Variants in ENTREP2 observed in about 807,000 individuals in gnomAD.
ENTREP2 encodes protein ENTREP2.
At chr15:29,200,324 C>T in the ENTREP2 span, among the ~76,000 whole-genome samples, 32 of 152,202 alleles carry the variant, frequency 2.1e-4, no homozygotes, top group Admixed American at 1.3e-3. Context: ...TACAGGAGCA[C>T]GCCACCATGC....
chr15:29,512,272 C>T, the ENTREP2 span, among the ~76,000 whole-genome samples: 1 of 152,096 alleles, frequency 6.6e-6, no homozygotes, highest in Non-Finnish European at 1.5e-5. Flanking sequence ...CCCCATAAAG[C>T]TATGAGCTGT....
chr15:29,551,827 A>C, the ENTREP2 span, among the ~76,000 whole-genome samples: 1 of 152,216 alleles, frequency 6.6e-6, no homozygotes, highest in Non-Finnish European at 1.5e-5. Context: ...GAAGCAAGTA[A>C]ACAAAACCCT....
At chr15:29,224,313 T>A in the ENTREP2 span, among the ~76,000 whole-genome samples, 1 of 152,122 alleles carries the variant, frequency 6.6e-6, no homozygotes, top group Non-Finnish European at 1.5e-5. Flanking sequence ...TAAAGGCAGT[T>A]TGGACCCAAA....
At chr15:29,581,160 G>A in the ENTREP2 span, among the ~76,000 whole-genome samples, 5 of 152,096 alleles carry the variant, frequency 3.3e-5, no homozygotes, top group African/African-American at 9.7e-5. Flanking sequence ...ATTTAGTGAT[G>A]TAAGTGTGGG....
the ENTREP2 span, among the ~76,000 whole-genome samples, chr15:29,291,163 G>T: frequency 6.6e-6 from 1 of 152,164 alleles, no homozygotes; most frequent in East Asian, 1.9e-4. Flanking sequence ...ACAGAGGAAA[G>T]CTGCCCTGAA....
At chr15:29,187,574 C>A in the ENTREP2 span, among the ~76,000 whole-genome samples, 1 of 152,286 alleles carries the variant, frequency 6.6e-6, no homozygotes, top group South Asian at 2.1e-4. Flanking sequence ...CTGCTCCTGG[C>A]CAACTGTCTG....
At chr15:29,501,172 G>C in the ENTREP2 span, among the ~76,000 whole-genome samples, 3 of 152,044 alleles carry the variant, frequency 2.0e-5, no homozygotes, top group Non-Finnish European at 4.4e-5. Context: ...ACAAAGAGTA[G>C]AAGAGAAGGG....
chr15:29,478,554 T>TC, the ENTREP2 span, among the ~76,000 whole-genome samples: 1 of 151,984 alleles, frequency 6.6e-6, no homozygotes, highest in Admixed American at 6.6e-5. Flanking sequence ...TGGGGGCAGA[T>TC]CCCTCATGGC....
At chr15:29,357,690 T>A in the ENTREP2 span, among the ~76,000 whole-genome samples, 2 of 151,746 alleles carry the variant, frequency 1.3e-5, no homozygotes, top group Non-Finnish European at 2.9e-5. Flanking sequence ...TACAAAAAAA[T>A]TAGCCGGGCG....
chr15:29,424,295 G>A, the ENTREP2 span, among the ~76,000 whole-genome samples: 1 of 152,040 alleles, frequency 6.6e-6, no homozygotes, highest in South Asian at 2.1e-4. Flanking sequence ...CCCTTATTTG[G>A]CCCCGCCCAC....
At chr15:29,592,374 G>C in the ENTREP2 span, among the ~76,000 whole-genome samples, 1 of 152,196 alleles carries the variant, frequency 6.6e-6, no homozygotes, top group Non-Finnish European at 1.5e-5. Flanking sequence ...ATAAAGAAAC[G>C]TATTGGCTCA....
chr15:29,638,058 C>A, the ENTREP2 span, among the ~76,000 whole-genome samples: 4 of 152,192 alleles, frequency 2.6e-5, no homozygotes, highest in Non-Finnish European at 5.9e-5. Flanking sequence ...ACTGCGTTGA[C>A]CTTCAGAGGG....
the ENTREP2 span, among the ~76,000 whole-genome samples, chr15:29,605,804 C>G: frequency 6.6e-6 from 1 of 151,952 alleles, no homozygotes; most frequent in African/African-American, 2.4e-5. Flanking sequence ...CATTGCACTC[C>G]AGCTTGGGTG....
At chr15:29,159,132 C>T in the ENTREP2 span, among the ~76,000 whole-genome samples, 2 of 152,106 alleles carry the variant, frequency 1.3e-5, no homozygotes, top group Admixed American at 6.5e-5. Flanking sequence ...TGTTACAGCT[C>T]TTAAAGGTGG....
the ENTREP2 span, among the ~76,000 whole-genome samples, chr15:29,579,363 C>T: frequency 6.6e-6 from 1 of 152,074 alleles, no homozygotes; most frequent in African/African-American, 2.4e-5. Flanking sequence ...ATTGCTGAGA[C>T]GTAATTCTTA....
the ENTREP2 span, among the ~76,000 whole-genome samples, chr15:29,393,242 A>G: frequency 1.3e-5 from 2 of 152,164 alleles, no homozygotes; most frequent in Admixed American, 6.5e-5. Context: ...TCATCAGTGA[A>G]CTTCTGTGGA....
the ENTREP2 span, among the ~76,000 whole-genome samples, chr15:29,339,514 G>A: frequency 6.6e-6 from 1 of 152,200 alleles, no homozygotes; most frequent in Non-Finnish European, 1.5e-5. Context: ...TTCGTGCGCT[G>A]TAACAGGCTC....
chr15:29,642,441 CAT>C, the ENTREP2 span, among the ~76,000 whole-genome samples: 4 of 146,208 alleles, frequency 2.7e-5, no homozygotes, highest in Admixed American at 1.4e-4. Context: ...TATATATATA[CAT>C]ATATATATAC....
the ENTREP2 span, among the ~76,000 whole-genome samples, chr15:29,333,331 G>C: frequency 6.6e-6 from 1 of 152,182 alleles, no homozygotes; most frequent in Non-Finnish European, 1.5e-5. Flanking sequence ...AGTCCATACA[G>C]GGCTCATGAA....
Sources: allele counts gnomAD v4.1 joint callset (sites outside exome capture counted in the v4.1 genomes callset), GRCh38; gene constraint gnomAD v4.1.1; transcripts MANE v1.5; gene names NCBI Gene and HGNC (gene_info 2026-07-23, HGNC 2026-07-21).